The following KCNT2 variants were observed in gnomAD, a reference collection of about 807,000 sequenced individuals.
The protein encoded by KCNT2 is potassium sodium-activated channel subfamily T member 2.
A neutral mutation model predicts 153.8 loss-of-function variants in KCNT2; 67 were observed. That is an observed-to-expected ratio of 0.44 (90% CI 0.36 to 0.53). The LOEUF (loss-of-function observed/expected upper bound fraction) is 0.53. Among genes scored for constraint, KCNT2 ranks in the 20% least tolerant of loss-of-function variants. The probability of loss-of-function intolerance (pLI) is 0.00; values close to 1 mark genes in which losing one functional copy is unlikely to be tolerated. For missense variants in KCNT2, 975 were observed against 1,354.8 expected, an observed-to-expected ratio of 0.72 and a Z score of 4.40; for synonymous variants, 500 against 458.8, an observed-to-expected ratio of 1.09 and a Z score of -1.15.
intron 14 of KCNT2, among the ~76,000 whole-genome samples, chr1:196,371,281 A>T (rs1391235727): frequency 6.8e-6 from 1 of 146,566 alleles, no homozygotes; most frequent in East Asian, 2.0e-4. Context: ...CTATAGTCCC[A>T]GCTACTGTGG....
At position 196,398,682 on chromosome 1, in the gene KCNT2, C is replaced by A; in HGVS notation, c.1186-11G>T. 1 of 1,401,152 alleles carries A rather than the reference C, an allele frequency of 7.1e-7. No individual in the cohort carries two copies. Among genetic ancestry groups the A allele is most frequent in the Non-Finnish European group, 1.0e-6 (1 of 997,850 alleles). 86.8% of individuals were successfully genotyped at this position (1,401,152 alleles called of 1,614,324 possible). A position where few individuals can be genotyped will look rare whatever the true frequency, so the allele number is the denominator to read the frequency against. On this transcript the variant is annotated splice_polypyrimidine_tract_variant and intron_variant, in intron 12 of 27. Coordinates refer to ENST00000294725, the MANE Select transcript of KCNT2 (RefSeq NM_198503.5). ...AATTGTTTGGTGATCCTGAAGTGAT[C>A]AAAATAAAAACATCATAGCATAAGT...
chr1:196,537,897 C>T (rs985207080), intron 1 of KCNT2, among the ~76,000 whole-genome samples: 1 of 152,172 alleles, frequency 6.6e-6, no homozygotes, highest in Admixed American at 6.5e-5. Context: ...ACGGTGTGAA[C>T]CCAGGTCTGC....
At chr1:196,307,350 C>T (rs2147987397) in intron 21 of KCNT2, among the ~76,000 whole-genome samples, 2 of 152,096 alleles carry the variant, frequency 1.3e-5, no homozygotes, top group Middle Eastern at 6.8e-3. Flanking sequence ...AAATCACTAC[C>T]AATATTTAAA....
At chr1:196,343,279 G>A (rs749965832) in intron 14 of KCNT2, among the ~76,000 whole-genome samples, 47 of 152,092 alleles carry the variant, frequency 3.1e-4, no homozygotes, top group Non-Finnish European at 6.0e-4. Context: ...TGCGCTGCCC[G>A]CCTAACTCAG....
At chr1:196,383,733 G>A (rs1176036029) in intron 13 of KCNT2, among the ~76,000 whole-genome samples, 4 of 152,150 alleles carry the variant, frequency 2.6e-5, no homozygotes, top group African/African-American at 4.8e-5. Flanking sequence ...TTTGAATCAC[G>A]CATTCTATGA....
intron 1 of KCNT2, among the ~76,000 whole-genome samples, chr1:196,593,309 TATAC>T (rs770074733): frequency 8.9e-4 from 113 of 126,696 alleles, no homozygotes; most frequent in Non-Finnish European, 1.4e-3. Context: ...TATATATATA[TATAC>T]ACACACACAC....
chr1:196,395,098 T>C (rs1240291867), intron 13 of KCNT2, among the ~76,000 whole-genome samples: 1 of 151,354 alleles, frequency 6.6e-6, no homozygotes, highest in African/African-American at 2.4e-5. Context: ...ATGATCTATT[T>C]CTGGAATAAT....
At chr1:196,437,697 AAAT>A (rs1674851230) in intron 8 of KCNT2, among the ~76,000 whole-genome samples, 1 of 151,010 alleles carries the variant, frequency 6.6e-6, no homozygotes, top group Admixed American at 6.6e-5. Context: ...TATAAATTTT[AAAT>A]AATAATAAAA....
intron 1 of KCNT2, among the ~76,000 whole-genome samples, chr1:196,503,210 T>G (rs1680842812): frequency 6.6e-6 from 1 of 152,040 alleles, no homozygotes; most frequent in Non-Finnish European, 1.5e-5. Flanking sequence ...TCCACGTTTT[T>G]CTTCTTACCC....
At chr1:196,486,235 C>G (rs7531491) in intron 3 of KCNT2, among the ~76,000 whole-genome samples, 128,181 of 151,782 alleles carry the variant, frequency 0.84, 55,105 homozygotes, top group East Asian at 0.97. Context: ...ATTTTTACTT[C>G]CTTGCCATAT....
chr1:196,524,439 T>A (rs1653908496), intron 1 of KCNT2, among the ~76,000 whole-genome samples: 1 of 152,176 alleles, frequency 6.6e-6, no homozygotes, highest in Non-Finnish European at 1.5e-5. Flanking sequence ...TGTCCAGTGG[T>A]ATAAAATAAC....
At chr1:196,455,326 C>G (rs1291251257) in intron 8 of KCNT2, among the ~76,000 whole-genome samples, 1 of 151,998 alleles carries the variant, frequency 6.6e-6, no homozygotes, top group East Asian at 1.9e-4. Context: ...GCCAAGCTGC[C>G]TACCTTTTGT....
chr1:196,558,776 T>C (rs1659015423), intron 1 of KCNT2, among the ~76,000 whole-genome samples: 1 of 151,684 alleles, frequency 6.6e-6, no homozygotes, highest in Middle Eastern at 3.4e-3. Flanking sequence ...CTTATTGTTT[T>C]GCAGAAATGT....
intron 1 of KCNT2, among the ~76,000 whole-genome samples, chr1:196,607,041 T>C (rs187019264): frequency 7.9e-4 from 121 of 152,262 alleles, no homozygotes; most frequent in Middle Eastern, 6.8e-3. Context: ...TCCTTTCAAA[T>C]TACTAATATG....
chr1:196,461,784 A>T (rs1269286506), intron 8 of KCNT2, among the ~76,000 whole-genome samples: 1 of 151,710 alleles, frequency 6.6e-6, no homozygotes, highest in East Asian at 1.9e-4. Flanking sequence ...AACAATTCTG[A>T]GCACATTTCC....
chr1:196,340,319 T>A, intron 16 of KCNT2, 22 bp downstream of exon 16: 1 of 1,283,204 alleles, frequency 7.8e-7, no homozygotes, highest in Non-Finnish European at 1.1e-6. Flanking sequence ...ATTAATGATA[T>A]TTCAAATTTG....
chr1:196,429,877 T>A, intron 8 of KCNT2, 120 bp from the exon 9 acceptor site: 1 of 602,028 alleles, frequency 1.7e-6, no homozygotes, highest in Non-Finnish European at 2.9e-6. Flanking sequence ...CCTCTTATAT[T>A]TTACAATATA....
chr1:196,285,166 AGTT>A (rs1213294916), intron 23 of KCNT2, among the ~76,000 whole-genome samples: 1 of 152,182 alleles, frequency 6.6e-6, no homozygotes, highest in East Asian at 1.9e-4. Flanking sequence ...CAGTGGTTTT[AGTT>A]GTTGTAGTCT....
intron 8 of KCNT2, among the ~76,000 whole-genome samples, chr1:196,432,628 T>C (rs1674264004): frequency 6.6e-6 from 1 of 152,112 alleles, no homozygotes; most frequent in African/African-American, 2.4e-5. Context: ...TTCTTGCCTA[T>C]TTCTCCCCTT....
Sources: allele counts gnomAD v4.1 joint callset (sites outside exome capture counted in the v4.1 genomes callset), GRCh38; gene constraint gnomAD v4.1.1; transcripts MANE v1.5; gene names NCBI Gene and HGNC (gene_info 2026-07-23, HGNC 2026-07-21).